ATRN: variants seen among roughly 807,000 people sequenced by gnomAD.
ATRN encodes attractin.
A neutral mutation model predicts 178.7 loss-of-function variants in ATRN; 54 were observed. That is an observed-to-expected ratio of 0.30 (90% CI 0.24 to 0.38). The LOEUF is 0.38. Ranked by LOEUF, ATRN falls within the 10% of genes least tolerant of loss-of-function variation. The pLI is 1.00. For synonymous variants in ATRN, 636 were observed against 663.0 expected (o/e 0.96, Z 0.63); for missense variants, 1,443 against 1,815.1 (o/e 0.79, Z 3.73).
chr20:3,640,141 G>C lies in ATRN; in HGVS notation c.4050+1206G>C, dbSNP rs140838798. On this transcript the variant is annotated intron_variant, in intron 27 of 28. Transcript: ENST00000262919. ...ATAAAAGATGAAATCATAAAGATGA[G>C]AGTCAAGTATGGCCAAGCAGATCTG... is the stretch of plus-strand genomic sequence containing the variant. 8.5e-5 allele frequency among the ~76,000 whole-genome samples: 13 copies of C among 152,312 alleles called. No homozygotes were observed. In the East Asian group the frequency reaches 2.5e-3, roughly 29 times the overall value.
intron 6 of ATRN, among the ~76,000 whole-genome samples, chr20:3,550,730 G>T (rs1362750748): frequency 1.3e-5 from 2 of 152,152 alleles, no homozygotes; most frequent in Non-Finnish European, 2.9e-5. Context: ...GGCACAGGTG[G>T]CACCCAGAGA....
At chr20:3,575,464 C>T (rs2086196556) in intron 12 of ATRN, among the ~76,000 whole-genome samples, 1 of 152,094 alleles carries the variant, frequency 6.6e-6, no homozygotes, top group Admixed American at 6.6e-5. Flanking sequence ...ACTTGGTGTC[C>T]TACAATATTT....
intron 1 of ATRN, among the ~76,000 whole-genome samples, chr20:3,478,984 G>T (rs2084577180): frequency 6.9e-6 from 1 of 144,494 alleles, no homozygotes; most frequent in African/African-American, 2.6e-5. Context: ...GGAGGGCAGT[G>T]CTCCTGGGCT....
intron 1 of ATRN, among the ~76,000 whole-genome samples, chr20:3,518,213 C>T (rs1289752862): frequency 1.3e-5 from 2 of 152,132 alleles, no homozygotes; most frequent in Non-Finnish European, 2.9e-5. Context: ...TAACGGGACC[C>T]AGCACTGCAT....
intron 4 of ATRN, among the ~76,000 whole-genome samples, chr20:3,546,805 A>G (rs966953412): frequency 6.6e-6 from 1 of 152,210 alleles, no homozygotes; most frequent in African/African-American, 2.4e-5. Flanking sequence ...CTTAAATTCT[A>G]TTAAATACAA....
At chr20:3,606,034 C>T (rs545848592) in intron 24 of ATRN, among the ~76,000 whole-genome samples, 1 of 152,276 alleles carries the variant, frequency 6.6e-6, no homozygotes, top group Non-Finnish European at 1.5e-5. Context: ...GTTTTTCTCA[C>T]CACCCTCTCT....
intron 25 of ATRN, among the ~76,000 whole-genome samples, chr20:3,630,915 G>GTTTTTTTTTTTTTTTTTTTTTTTTT (rs1568774646): frequency 1.6e-5 from 1 of 62,456 alleles, no homozygotes. Context: ...AATTTATTTA[G>GTTTTTTTTTTTTTTTTTTTTTTTTT]CTTTTTTTTT....
intron 1 of ATRN, among the ~76,000 whole-genome samples, chr20:3,472,705 C>G (rs796901572): frequency 2.0e-5 from 3 of 152,220 alleles, no homozygotes; most frequent in African/African-American, 7.2e-5. Flanking sequence ...TGTGGGAATT[C>G]AGGGATGGAG....
chr20:3,591,287 C>T lies in ATRN; in HGVS notation c.3303C>T (p.Thr1101=). The T allele has an allele frequency of 6.2e-7, 1 of 1,613,938 alleles. No homozygotes were observed. Among genetic ancestry groups the T allele is most frequent in the Admixed American group, 1.7e-5 (1 of 60,002 alleles). ...TCISGFYGDP[T]NGGKCQPCKC... Reference sequence around the variant, plus strand: ...TATCTGGCTTCTACGGTGATCCCACCAATGGAGGGAAATGTCAGCGTAAGT... The same window carrying T: ...TATCTGGCTTCTACGGTGATCCCACTAATGGAGGGAAATGTCAGCGTAAGT... The change falls in exon 19 of 29, where the codon ACC becomes ACT. Residue 1101 remains threonine, a synonymous_variant. Coordinates refer to ENST00000262919, the MANE Select transcript of ATRN (RefSeq NM_139321.3).
rs1394465585 is a variant in ATRN, at chr20:3,602,337, A to T, written c.3643+1313A>T. 3.9e-5 allele frequency among the ~76,000 whole-genome samples: 6 copies of T among 152,160 alleles called. No homozygotes were observed. The East Asian group carries it at 7.7e-4, about 20-fold the overall frequency. On this transcript the variant is annotated intron_variant, in intron 23 of 28. Coordinates refer to ENST00000262919, the MANE Select transcript of ATRN (RefSeq NM_139321.3). The stretch of plus-strand genomic sequence containing the variant: ...AGAGTGAAACTCCATCTCAAAAAAA[A>T]AAAATAAAAAAACACCTTCCCAAGT...
In ATRN at chr20:3,624,576, A is replaced by G. The variant is rs1386338541; in HGVS notation, c.3863+4A>G. On this transcript the variant is annotated splice_donor_region_variant and intron_variant, in intron 25 of 28. Transcript: ENST00000262919. ...AGTTCTTCGTGACTTTCTTCAGGTA[A>G]TTTTGCTTATACAGACTCTCTCTGT... The G allele has an allele frequency of 3.1e-6, 5 of 1,612,394 alleles. No individual in the cohort carries two copies. Among genetic ancestry groups the G allele is most frequent in the Non-Finnish European group, 4.2e-6 (5 of 1,178,650 alleles).
intron 10 of ATRN, among the ~76,000 whole-genome samples, chr20:3,564,641 A>G (rs948562961): frequency 6.6e-6 from 1 of 152,182 alleles, no homozygotes; most frequent in African/African-American, 2.4e-5. Flanking sequence ...TTGAAATTTC[A>G]TTTTCCACCT....
In ATRN at chr20:3,586,495, A is replaced by T. The variant is rs235537; in HGVS notation, c.3184+1615A>T. Among the ~76,000 whole-genome samples the T allele has an allele frequency of 7.9e-3, 1,196 of 150,854 alleles. 19 individuals are homozygous for T. The highest frequency in any genetic ancestry group is 0.028 in the African/African-American group (1,129 of 41,032). On this transcript the variant is annotated intron_variant, in intron 18 of 28. Transcript: ENST00000262919. Reference sequence around the variant, plus strand: ...TCTGACATGGATTACCCTAAAAAAAATGCTATGTGAAAGAAGCCAGGTACA... The same window carrying T: ...TCTGACATGGATTACCCTAAAAAAATTGCTATGTGAAAGAAGCCAGGTACA...
At chr20:3,569,695 T>A (rs1052341180) in intron 11 of ATRN, among the ~76,000 whole-genome samples, 1 of 152,258 alleles carries the variant, frequency 6.6e-6, no homozygotes, top group Non-Finnish European at 1.5e-5. Flanking sequence ...CAGGACCACA[T>A]ACATGACTAT....
rs1023154630 is a variant in ATRN, at chr20:3,649,345, G to C, written c.*2498G>C. 1.3e-5 allele frequency: 2 copies of C among 152,640 alleles called. No individual in the cohort carries two copies. The highest frequency in any genetic ancestry group is 4.8e-5 in the African/African-American group (2 of 41,438). The allele number at this position is 152,640 out of a possible 1,614,324, so 9.5% of individuals were successfully genotyped here. ...TGTCCAGAATGTTCAGACATTCGGA[G>C]TGTACATAAAACAGAAAAAATCTTC... is the stretch of plus-strand genomic sequence containing the variant. On this transcript the variant is annotated 3_prime_UTR_variant, in exon 29 of 29. Coordinates refer to ENST00000262919, the MANE Select transcript of ATRN (RefSeq NM_139321.3).
chr20:3,493,912 A>G (rs1322936921), intron 1 of ATRN, among the ~76,000 whole-genome samples: 1 of 152,222 alleles, frequency 6.6e-6, no homozygotes, highest in Non-Finnish European at 1.5e-5. Flanking sequence ...GTTATTTATT[A>G]GGCAACAAAT....
intron 1 of ATRN, among the ~76,000 whole-genome samples, chr20:3,488,190 G>A (rs976978219): frequency 3.9e-5 from 6 of 151,994 alleles, no homozygotes; most frequent in African/African-American, 1.4e-4. Context: ...ATTGCAGATT[G>A]CATTTACTTC....
At chr20:3,482,753 G>C (rs1209409971) in intron 1 of ATRN, among the ~76,000 whole-genome samples, 1 of 152,026 alleles carries the variant, frequency 6.6e-6, no homozygotes, top group Non-Finnish European at 1.5e-5. Context: ...TCTTTTAATG[G>C]GAGCAGTATT....
At chr20:3,592,931 T>C (rs1600139320) in intron 19 of ATRN, among the ~76,000 whole-genome samples, 1 of 152,206 alleles carries the variant, frequency 6.6e-6, no homozygotes, top group Admixed American at 6.5e-5. Flanking sequence ...TTGGTGAAAA[T>C]GTTTTCCCCA....
Sources: gnomAD v4.1 joint callset for allele counts (sites outside exome capture counted in the v4.1 genomes callset) on GRCh38, gnomAD v4.1.1 for gene constraint, MANE v1.5 for transcripts, NCBI Gene and HGNC (gene_info 2026-07-23, HGNC 2026-07-21) for gene names.